Variants in RBM15 observed in about 807,000 individuals in gnomAD.
RBM15 encodes RNA binding motif protein 15.
Under a neutral mutation model 62.6 loss-of-function variants are expected in RBM15, and 8 were observed. The observed-to-expected ratio is 0.13, with a 90% CI of 0.07 to 0.23. RBM15 has a LOEUF of 0.23. RBM15 is among the 10% of genes least tolerant of loss of function. RBM15 has a pLI of 1.00. For synonymous variants in RBM15, 606 were observed against 505.7 expected (o/e 1.20, Z -2.66); for missense variants, 1,144 against 1,286.5 (o/e 0.89, Z 1.69).
chr1:110,341,883 G>C lies in RBM15; in HGVS notation c.2478G>C (p.Val826=). Residue 826 remains valine, a synonymous_variant, in exon 1 of 3, where the codon GTG becomes GTC. Transcript: ENST00000369784. The surrounding 1 kb of genome is among the most constrained non-coding windows in gnomAD (Gnocchi z 4.5). Reference sequence around the variant, plus strand: ...TGGAGGGTTCAACTGGAGGCAAAGTGGCCCAGCTCAAGATCACTCAGCGTC... The same window carrying C: ...TGGAGGGTTCAACTGGAGGCAAAGTCGCCCAGCTCAAGATCACTCAGCGTC... ...LLVEGSTGGK[V]AQLKITQRLR... 6.2e-7 allele frequency: 1 copy of C among 1,614,228 alleles called. No individual in the cohort carries two copies. The highest frequency in any genetic ancestry group is 8.5e-7 in the Non-Finnish European group (1 of 1,180,052).
chr1:110,341,423 G>T lies in RBM15; in HGVS notation c.2018G>T (p.Arg673Leu), dbSNP rs867169708. 1.2e-6 allele frequency: 2 copies of T among 1,614,116 alleles called. No individual in the cohort carries two copies. Among genetic ancestry groups the T allele is most frequent in the Middle Eastern group, 1.6e-4 (1 of 6,062 alleles). Residue 673 changes from arginine (R) to leucine (L), a missense_variant, in exon 1 of 3, where the codon CGC (arginine) becomes CTC (leucine). Around this residue, in one of 8 missense-constraint regions of RBM15, gnomAD observed 360 missense variants for 342.9 expected, o/e 1.05. Transcript: ENST00000369784. The surrounding 1 kb of genome is among the most constrained non-coding windows in gnomAD (Gnocchi z 4.5). Reference sequence around the variant, plus strand: ...CGTCACTGCGCTCCTTCTCCTGACCGCAGTCCAGAATTGAGCAGTAGCCGG... The same window carrying T: ...CGTCACTGCGCTCCTTCTCCTGACCTCAGTCCAGAATTGAGCAGTAGCCGG... ...RKRHCAPSPD[R>L]SPELSSSRDR... is the part of the protein sequence containing the mutation.
chr1:110,346,298 C>A lies in RBM15; in HGVS notation c.*41-10C>A, dbSNP rs774965409. 2 of 1,596,542 alleles carry A rather than the reference C, an allele frequency of 1.3e-6. No homozygotes were observed. The highest frequency in any genetic ancestry group is 2.2e-5 in the East Asian group (1 of 44,852). ...GTACTGAATAACCTTTTTTTCCCCC[C>A]CTCCGCAAGCAAAACTGGTTGAACA... On this transcript the variant is annotated splice_polypyrimidine_tract_variant and intron_variant, in intron 2 of 2. Transcript: ENST00000369784.
Position 110,345,593 on chromosome 1 carries a change from C to T in RBM15, c.2918C>T (p.Ala973Val), listed in dbSNP as rs138022193. 74 of 1,611,476 alleles carry T rather than the reference C, an allele frequency of 4.6e-5. No homozygotes were observed. In the African/African-American group the frequency reaches 5.6e-4, roughly 12 times the overall value. Residue 973 changes from alanine (A) to valine (V), a missense_variant, in exon 2 of 3, where the codon GCG becomes GTG. By Grantham distance (64) the Ala-to-Val change is moderately conservative. Coordinates refer to ENST00000369784, the MANE Select transcript of RBM15 (RefSeq NM_022768.5). ...RYENKKRENL[A>V]LTLL is the part of the protein sequence containing the mutation. ...GAGAACAAGAAGAGAGAAAACTTGG[C>T]GCTGACCCTGTTATAGTGGTTATAG...
At position 110,345,837 on chromosome 1, in the gene RBM15, AC is replaced by A. The variant is rs201417767; in HGVS notation, c.*40+192del. On this transcript the variant is annotated intron_variant, in intron 2 of 2. Coordinates refer to ENST00000369784, the MANE Select transcript of RBM15 (RefSeq NM_022768.5). ...TGGATTTTTAAATGGCTTTGTATCG[AC>A]CCCTTTCTACAATAATGGAGTAGTC... is the stretch of plus-strand genomic sequence containing the variant. Among the ~76,000 whole-genome samples the A allele has an allele frequency of 1.9e-3, 291 of 152,092 alleles. 2 individuals carry two copies. In the East Asian group the frequency reaches 0.033, roughly 17 times the overall value.
At chr1:110,342,542 A>G in intron 1 of RBM15, 1 of 384,028 alleles carries the variant, frequency 2.6e-6, no homozygotes, top group Non-Finnish European at 4.6e-6. Context: ...TCCCACCCTT[A>G]TGAGTAATTT....
At chr1:110,345,957 T>G (rs1660890153) in intron 2 of RBM15, among the ~76,000 whole-genome samples, 1 of 152,190 alleles carries the variant, frequency 6.6e-6, no homozygotes, top group African/African-American at 2.4e-5. Flanking sequence ...TAAGTTATAT[T>G]TAGAATATAT....
chr1:110,341,078 C>T lies in RBM15; in HGVS notation c.1673C>T (p.Pro558Leu). The part of the protein sequence containing the change: ...LVTDAFGHRA[P>L]DPLRGARDRT... ...ACAGATGCTTTTGGACATCGGGCAC[C>T]AGACCCTTTGAGGGGTGCTCGGGAT... The change falls in exon 1 of 3, where the codon CCA becomes CTA. Residue 558 changes from proline to leucine, a missense_variant. Physicochemically the swap from Pro to Leu is moderately conservative, Grantham distance 98. Around this residue, in one of 8 missense-constraint regions of RBM15, gnomAD observed 360 missense variants for 342.9 expected, o/e 1.05. Transcript: ENST00000369784. This position sits in a 1 kb window ranked among gnomAD's most constrained non-coding sequence, Gnocchi z 4.5. The T allele has an allele frequency of 6.2e-7, 1 of 1,614,168 alleles. No homozygotes were observed. Among genetic ancestry groups the T allele is most frequent in the Non-Finnish European group, 8.5e-7 (1 of 1,180,038 alleles).
chr1:110,344,548 T>G (rs530842941), intron 1 of RBM15, among the ~76,000 whole-genome samples: 22 of 152,300 alleles, frequency 1.4e-4, no homozygotes, highest in African/African-American at 5.3e-4. Flanking sequence ...AAACAATGGC[T>G]TGATACCATT....
chr1:110,345,789 G>A (rs1315526669), intron 2 of RBM15, 140 bp downstream of exon 2: 1 of 606,912 alleles, frequency 1.6e-6, no homozygotes, highest in South Asian at 2.5e-5. Flanking sequence ...AACGGCTGCT[G>A]TCTTTGGTAA....
In RBM15 at chr1:110,342,049, A is replaced by G. The variant is rs981967324; in HGVS notation, c.2644A>G (p.Thr882Ala). ...TTCCTCAGCTGCATCAGACACTGCC[A>G]CTTCTACTCAGAGGCCACTTAGGAA... ...SSSSAASDTA[T>A]STQRPLRNLV... The change falls in exon 1 of 3, where the codon ACT becomes GCT. Residue 882 changes from threonine (T) to alanine (A), a missense_variant. By Grantham distance (58) the Thr-to-Ala change is moderately conservative. Coordinates refer to ENST00000369784, the MANE Select transcript of RBM15 (RefSeq NM_022768.5). The G allele has an allele frequency of 6.2e-7, 1 of 1,614,244 alleles. No homozygotes were observed. The highest frequency in any genetic ancestry group is 8.5e-7 in the Non-Finnish European group (1 of 1,180,044).
At chr1:110,343,186 AAAG>A (rs1398446591) in intron 1 of RBM15, among the ~76,000 whole-genome samples, 5 of 152,164 alleles carry the variant, frequency 3.3e-5, no homozygotes, top group African/African-American at 9.7e-5. Flanking sequence ...TCAATAATAG[AAAG>A]AAGAGTTGTC....
In RBM15 at chr1:110,341,389, C is replaced by G; in HGVS notation, c.1984C>G (p.Pro662Ala). The change falls in exon 1 of 3, where the codon CCA (proline) becomes GCA (alanine). Residue 662 changes from proline (P) to alanine (A), a missense_variant. By Grantham distance (27) the Pro-to-Ala change is conservative. Around this residue, in one of 8 missense-constraint regions of RBM15, gnomAD observed 360 missense variants for 342.9 expected, o/e 1.05. Coordinates refer to ENST00000369784, the MANE Select transcript of RBM15 (RefSeq NM_022768.5). The surrounding 1 kb of genome is among the most constrained non-coding windows in gnomAD (Gnocchi z 4.5). Reference sequence around the variant, plus strand: ...GGATAGGTCTCCTGAGAGTGACCGCCCACGAAAACGTCACTGCGCTCCTTC... The same window carrying G: ...GGATAGGTCTCCTGAGAGTGACCGCGCACGAAAACGTCACTGCGCTCCTTC... Reference protein sequence around the residue: ...HLDRSPESDRPRKRHCAPSPD... With the variant: ...HLDRSPESDRARKRHCAPSPD... The G allele has an allele frequency of 6.2e-7, 1 of 1,614,074 alleles. No homozygotes were observed. Among genetic ancestry groups the G allele is most frequent in the Non-Finnish European group, 8.5e-7 (1 of 1,179,986 alleles).
In RBM15 at chr1:110,340,263, T is replaced by C. The variant is rs753203909; in HGVS notation, c.858T>C (p.Gly286=). 1 of 1,613,974 alleles carries C rather than the reference T, an allele frequency of 6.2e-7. No homozygotes were observed. The highest frequency in any genetic ancestry group is 1.7e-5 in the Admixed American group (1 of 60,014). The change falls in exon 1 of 3, where the codon GGT becomes GGC. Residue 286 remains glycine (G), a synonymous_variant. Transcript: ENST00000369784. The surrounding 1 kb of genome is among the most constrained non-coding windows in gnomAD (Gnocchi z 5.8). ...GTGGTCACCGGCACCCCCCTGGAGG[T>C]GGTGGAGGCCAGAGATCACTTTCCC... ...SVGGHRHPPG[G]GGGQRSLSPG... is the part of the protein sequence containing the mutation.
chr1:110,342,359 A>G (rs561740806), intron 1 of RBM15, 91 bp downstream of exon 1: 14 of 1,038,322 alleles, frequency 1.3e-5, no homozygotes, highest in East Asian at 5.3e-5. Flanking sequence ...ATCAGATGCA[A>G]TTTTCTTTTT....
rs1167109563 is a variant in RBM15 at position 110,340,103 on chromosome 1, A to G, written c.698A>G (p.His233Arg). The change falls in exon 1 of 3, where the codon CAT becomes CGT. Residue 233 changes from histidine to arginine, a missense_variant. By Grantham distance (29) the His-to-Arg change is conservative. Coordinates refer to ENST00000369784, the MANE Select transcript of RBM15 (RefSeq NM_022768.5). The surrounding 1 kb of genome is among the most constrained non-coding windows in gnomAD (Gnocchi z 5.8). ...RRPEDARAAK[H>R]ARGRLVLYDR... ...CCAGAGGACGCGCGGGCGGCCAAGC[A>G]TGCCAGAGGCCGCCTGGTGCTCTAT... is the stretch of plus-strand genomic sequence containing the variant. The G allele has an allele frequency of 1.2e-6, 2 of 1,613,836 alleles. No homozygotes were observed. The highest frequency in any genetic ancestry group is 1.1e-5 in the South Asian group (1 of 91,082).
In RBM15 at chr1:110,346,660, T is replaced by A. The variant is rs1660905596; in HGVS notation, c.*393T>A. 1.4e-5 allele frequency: 5 copies of A among 360,850 alleles called. No homozygotes were observed. The highest frequency in any genetic ancestry group is 2.5e-5 in the Non-Finnish European group (5 of 199,990). 22.4% of individuals were successfully genotyped at this position (360,850 alleles called of 1,614,324 possible). ...TGCTTTTGTTTTATTCTAAATAAAT[T>A]GTTTCTTTTGAGGAAAATGTTTTTC... On this transcript the variant is annotated 3_prime_UTR_variant, in exon 3 of 3. Transcript: ENST00000369784.
At position 110,342,150 on chromosome 1, in the gene RBM15, A is replaced by G; in HGVS notation, c.2745A>G (p.Glu915=). ...CTGTGGGGGGCAACAAAGACAAGGA[A>G]AACACCGGGGTCCTTCATGCCTTCC... ...SLPVGGNKDK[E]NTGVLHAFPP... is the part of the protein sequence containing the mutation. Residue 915 remains glutamate, a synonymous_variant, in exon 1 of 3, where the codon GAA becomes GAG. Transcript: ENST00000369784. 1 of 1,614,132 alleles carries G rather than the reference A, an allele frequency of 6.2e-7. No individual in the cohort carries two copies. Among genetic ancestry groups the G allele is most frequent in the Non-Finnish European group, 8.5e-7 (1 of 1,179,990 alleles).
chr1:110,339,859 C>G lies in RBM15; in HGVS notation c.454C>G (p.Arg152Gly), dbSNP rs1660752671. ...CTCCCGGGGTGGAGGCGGGGAGTCA[C>G]GTTCCTCTGGGGCCGCCTCCTCAGC... ...SSSRGGGGES[R>G]SSGAASSAPG... Residue 152 changes from arginine to glycine, a missense_variant, in exon 1 of 3, where the codon CGT becomes GGT. Physicochemically the swap from Arg to Gly is moderately radical, Grantham distance 125 (BLOSUM62 -2). This residue lies in a region of RBM15 where 298 missense variants were observed against 250.0 expected (regional missense o/e 1.19). Coordinates refer to ENST00000369784, the MANE Select transcript of RBM15 (RefSeq NM_022768.5). 6.2e-7 allele frequency: 1 copy of G among 1,600,006 alleles called. No homozygotes were observed.
At chr1:110,342,464 A>G (rs183267960) in intron 1 of RBM15, 196 bp downstream of exon 1, 2 of 463,412 alleles carry the variant, frequency 4.3e-6, no homozygotes, top group Non-Finnish European at 7.3e-6. Flanking sequence ...TTGTTTAGCT[A>G]TTATTTTAAG....
Sources: allele counts gnomAD v4.1 joint callset (sites outside exome capture counted in the v4.1 genomes callset), GRCh38; gene constraint gnomAD v4.1.1; regional missense constraint gnomAD v4.1.1; non-coding constraint Gnocchi (gnomAD v3.1); transcripts MANE v1.5; gene names NCBI Gene and HGNC (gene_info 2026-07-23, HGNC 2026-07-21).